GALNT13: variants seen among roughly 807,000 people sequenced by gnomAD.
GALNT13 encodes the protein polypeptide N-acetylgalactosaminyltransferase 13, also known as UDP-GalNAc:polypeptide N-acetylgalactosaminyltransferase 13.
Under a neutral mutation model 64.2 loss-of-function variants are expected in GALNT13, and 28 were observed. The observed-to-expected ratio is 0.44, with a 90% CI of 0.32 to 0.60. The LOEUF (loss-of-function observed/expected upper bound fraction) is 0.60, where lower values mean the gene tolerates loss of function less well. Among genes scored for constraint, GALNT13 ranks in the 20% least tolerant of loss-of-function variants. The pLI, the probability that GALNT13 is intolerant of heterozygous loss-of-function variation, is 0.05. For missense variants in GALNT13, 577 were observed against 669.8 expected, an observed-to-expected ratio of 0.86 and a Z score of 1.53; for synonymous variants, 214 against 224.6, an observed-to-expected ratio of 0.95 and a Z score of 0.42.
chr2:153,873,364 C>T (rs1251902414), intron 1 of GALNT13, among the ~76,000 whole-genome samples: 4 of 152,254 alleles, frequency 2.6e-5, no homozygotes, highest in African/African-American at 9.6e-5. Flanking sequence ...GAGGCTGCTA[C>T]TCTGGACAGC....
At chr2:154,145,411 G>T (rs868245099) in intron 4 of GALNT13, among the ~76,000 whole-genome samples, 1 of 151,710 alleles carries the variant, frequency 6.6e-6, no homozygotes, top group Admixed American at 6.6e-5. Flanking sequence ...AAATGCTTCT[G>T]TTGTCAGAAA....
chr2:153,190,074 T>C, the GALNT13 span, among the ~76,000 whole-genome samples: 98 of 152,268 alleles, frequency 6.4e-4, no homozygotes, highest in Non-Finnish European at 1.2e-3. Context: ...TTTCTTTTGC[T>C]GTTGCAGAAG....
intron 3 of GALNT13, among the ~76,000 whole-genome samples, chr2:154,075,791 G>A (rs1574458001): frequency 1.4e-5 from 2 of 143,654 alleles, no homozygotes. Context: ...TTTATCTCTA[G>A]TATCACTAAC....
rs1194503060 is a variant in GALNT13, at chr2:154,453,423, A to G, written c.*2872A>G. On this transcript the variant is annotated 3_prime_UTR_variant, in exon 13 of 13. Transcript: ENST00000392825. ...CTTATCTCTCATTATTCTGCCTCTT[A>G]CTTACCCTATTATGGCTCCCAAGAA... 1 of 152,284 alleles carries G rather than the reference A, an allele frequency of 6.6e-6. No homozygotes were observed. The highest frequency in any genetic ancestry group is 1.5e-5 in the Non-Finnish European group (1 of 68,260). The allele number at this position is 152,284 out of a possible 1,614,324, so 9.4% of individuals were successfully genotyped here.
chr2:154,123,160 C>T (rs1682053670), intron 3 of GALNT13, among the ~76,000 whole-genome samples: 1 of 151,822 alleles, frequency 6.6e-6, no homozygotes, highest in Non-Finnish European at 1.5e-5. Flanking sequence ...GCAGACTTGT[C>T]CATAAGAAAT....
At chr2:154,205,303 T>G (rs2105787359) in intron 4 of GALNT13, among the ~76,000 whole-genome samples, 1 of 152,320 alleles carries the variant, frequency 6.6e-6, no homozygotes, top group African/African-American at 2.4e-5. Flanking sequence ...AAAAGTTTTT[T>G]ATTTCTGTGT....
chr2:154,393,914 T>C (rs1698923322), intron 9 of GALNT13, among the ~76,000 whole-genome samples: 1 of 149,604 alleles, frequency 6.7e-6, no homozygotes, highest in Non-Finnish European at 1.5e-5. Flanking sequence ...CCGTCTCTAC[T>C]AAAAATACAA....
the GALNT13 span, among the ~76,000 whole-genome samples, chr2:153,684,386 T>A: frequency 7.2e-4 from 110 of 151,874 alleles, no homozygotes; most frequent in Non-Finnish European, 1.3e-3. Context: ...AAACAGTATT[T>A]TATTCCAGCT....
At chr2:154,178,865 T>G (rs780678289) in intron 4 of GALNT13, among the ~76,000 whole-genome samples, 5 of 152,226 alleles carry the variant, frequency 3.3e-5, no homozygotes, top group Admixed American at 6.5e-5. Context: ...CATCTTTCAC[T>G]GATATTCTAG....
intron 4 of GALNT13, among the ~76,000 whole-genome samples, chr2:154,235,538 T>C (rs747289922): frequency 6.6e-6 from 1 of 152,152 alleles, no homozygotes; most frequent in African/African-American, 2.4e-5. Context: ...AAACCACACA[T>C]AATTCTGCAA....
intron 2 of GALNT13, among the ~76,000 whole-genome samples, chr2:153,925,617 A>G (rs574288142): frequency 2.1e-4 from 32 of 151,958 alleles, no homozygotes; most frequent in African/African-American, 7.0e-4. Flanking sequence ...GTTTAATGAA[A>G]ATAGCATTGA....
the GALNT13 span, among the ~76,000 whole-genome samples, chr2:153,520,459 T>C: frequency 6.6e-6 from 1 of 152,186 alleles, no homozygotes; most frequent in Admixed American, 6.5e-5. Context: ...GTTGGCTTCA[T>C]TGAGAATCTA....
intron 4 of GALNT13, among the ~76,000 whole-genome samples, chr2:154,206,351 A>G (rs981750060): frequency 6.6e-6 from 1 of 151,962 alleles, no homozygotes; most frequent in African/African-American, 2.4e-5. Context: ...AATCATATAT[A>G]TATAGAGAGA....
the GALNT13 span, among the ~76,000 whole-genome samples, chr2:153,229,184 A>G: frequency 6.6e-6 from 1 of 152,198 alleles, no homozygotes; most frequent in African/African-American, 2.4e-5. Context: ...GGAAGCTTCA[A>G]TTTGAGAATT....
At chr2:154,238,119 G>A (rs889944795) in intron 4 of GALNT13, among the ~76,000 whole-genome samples, 2 of 151,882 alleles carry the variant, frequency 1.3e-5, no homozygotes, top group Non-Finnish European at 2.9e-5. Flanking sequence ...AACAAGATCC[G>A]CACATAATTC....
chr2:153,631,135 T>A, the GALNT13 span, among the ~76,000 whole-genome samples: 1 of 152,076 alleles, frequency 6.6e-6, no homozygotes, highest in African/African-American at 2.4e-5. Context: ...ACAAAGGACA[T>A]GAACTCATCA....
intron 3 of GALNT13, among the ~76,000 whole-genome samples, chr2:154,033,086 A>T (rs990806486): frequency 1.3e-5 from 2 of 151,864 alleles, no homozygotes; most frequent in Non-Finnish European, 2.9e-5. Flanking sequence ...TTCAATAGAG[A>T]AATGTATTTT....
intron 10 of GALNT13, among the ~76,000 whole-genome samples, chr2:154,399,247 T>C (rs1055543022): frequency 2.6e-5 from 4 of 152,040 alleles, no homozygotes; most frequent in South Asian, 2.1e-4. Flanking sequence ...TGAGAACCCA[T>C]CTCTATTTAA....
At chr2:153,186,651 C>T in the GALNT13 span, among the ~76,000 whole-genome samples, 2 of 151,872 alleles carry the variant, frequency 1.3e-5, no homozygotes, top group African/African-American at 2.4e-5. Flanking sequence ...TCACTGCAAA[C>T]CACCTCCTGA....
Sources: allele counts gnomAD v4.1 joint callset (sites outside exome capture counted in the v4.1 genomes callset), GRCh38; gene constraint gnomAD v4.1.1; transcripts MANE v1.5; gene names NCBI Gene and HGNC (gene_info 2026-07-23, HGNC 2026-07-21).